MAPK6: variants seen among roughly 807,000 people sequenced by gnomAD.
The protein encoded by MAPK6 is ERK-3.
In MAPK6, 19 loss-of-function variants were observed where a neutral mutation model predicts 59.3. That is an observed-to-expected ratio of 0.32 (90% CI 0.22 to 0.47). The LOEUF (loss-of-function observed/expected upper bound fraction) is 0.47. MAPK6 is among the 20% of genes least tolerant of loss of function. MAPK6 has a pLI of 1.00. For missense variants in MAPK6, 724 were observed against 847.9 expected (o/e 0.85, Z 1.81); for synonymous variants, 316 against 290.3 (o/e 1.09, Z -0.90).
intron 1 of MAPK6, among the ~76,000 whole-genome samples, chr15:52,038,449 A>G (rs1315743764): frequency 6.6e-6 from 1 of 152,166 alleles, no homozygotes; most frequent in African/African-American, 2.4e-5. Context: ...CTTTTTTGCC[A>G]GTGAGATAGT....
intron 1 of MAPK6, among the ~76,000 whole-genome samples, chr15:52,035,115 A>G (rs74377731): frequency 0.019 from 2,950 of 152,270 alleles, 100 homozygotes; most frequent in African/African-American, 0.068. Context: ...GTCTCATCCA[A>G]GATTTTCCTT....
chr15:52,033,663 C>A (rs951989804), intron 1 of MAPK6: 6 of 152,200 alleles, frequency 3.9e-5, no homozygotes, highest in African/African-American at 1.4e-4. Flanking sequence ...TGACGTGGGA[C>A]TTCTTCGCCT....
In MAPK6 at chr15:51,998,730, G is replaced by T. The variant is rs1461695040; in HGVS notation, c.-769-5535G>T. Among the ~76,000 whole-genome samples the T allele has an allele frequency of 2.6e-5, 2 of 76,910 alleles. 1 individual carries two copies. The highest frequency in any genetic ancestry group is 3.6e-4 in the Admixed American group (2 of 5,492). The allele number at this position is 76,910 out of a possible 152,430, so 50.5% of individuals were successfully genotyped here. Reference sequence around the variant, plus strand: ...TTTTGAGACGGAGTCTCGCTCTGCCGCCCAGGCTGGAGTGCAGTGGCGCAA... The same window carrying T: ...TTTTGAGACGGAGTCTCGCTCTGCCTCCCAGGCTGGAGTGCAGTGGCGCAA... On this transcript the variant is annotated intron_variant, in intron 2 of 7. Transcript: ENST00000691380.
chr15:52,035,061 G>A (rs1268090058), intron 1 of MAPK6, among the ~76,000 whole-genome samples: 2 of 152,168 alleles, frequency 1.3e-5, no homozygotes, highest in African/African-American at 2.4e-5. Flanking sequence ...TTTTAGTCTA[G>A]ATTCTGGTTC....
intron 2 of MAPK6, among the ~76,000 whole-genome samples, chr15:51,984,447 ATTTTTTT>A (rs71130112): frequency 1.0e-3 from 70 of 69,978 alleles, no homozygotes; most frequent in African/African-American, 1.7e-3. Flanking sequence ...ACGCCGGCTA[ATTTTTTT>A]TTTTTTTTTT....
rs1440069166 is a variant in MAPK6, at chr15:52,064,212, A to G, written c.1378A>G (p.Arg460Gly). Residue 460 changes from arginine (R) to glycine (G), a missense_variant, in exon 6 of 6, where the codon AGA becomes GGA. By Grantham distance (125) the Arg-to-Gly change is moderately radical (BLOSUM62 -2). Coordinates refer to ENST00000261845, the MANE Select transcript of MAPK6 (RefSeq NM_002748.4). Reference sequence around the variant, plus strand: ...ATCATATTTAGATAACTTAGTTTGGAGAGAGAGTGAAGTTAACCATTACTA... The same window carrying G: ...ATCATATTTAGATAACTTAGTTTGGGGAGAGAGTGAAGTTAACCATTACTA... The part of the protein sequence containing the change: ...SSSYLDNLVW[R>G]ESEVNHYYEP... The G allele has an allele frequency of 9.9e-6, 16 of 1,611,362 alleles. No individual in the cohort carries two copies. The African/African-American group carries it at 2.0e-4, about 20-fold the overall frequency.
At chr15:51,977,359 T>G (rs1339305125) in intron 1 of MAPK6, among the ~76,000 whole-genome samples, 2 of 151,678 alleles carry the variant, frequency 1.3e-5, no homozygotes, top group African/African-American at 4.8e-5. Flanking sequence ...GAAAGAGTAA[T>G]GGTATCCGAA....
At chr15:51,975,460 G>A (rs1263882218) in intron 1 of MAPK6, among the ~76,000 whole-genome samples, 2 of 151,548 alleles carry the variant, frequency 1.3e-5, no homozygotes, top group African/African-American at 2.4e-5. Flanking sequence ...AGAATCGCTT[G>A]AATCCGGGAG....
rs768529082 is a variant in MAPK6, at chr15:52,064,817, T to G, written c.1983T>G (p.Phe661Leu). 10 of 1,611,940 alleles carry G rather than the reference T, an allele frequency of 6.2e-6. 1 individual carries two copies. The South Asian group carries it at 8.8e-5, about 14-fold the overall frequency. Reference protein sequence around the residue: ...KLGERGHEEGFLNNSGEFLFN... With the variant: ...KLGERGHEEGLLNNSGEFLFN... ...GGGAGAGAGGACATGAGGAAGGATTTCTGAACAACAGTGGGGAGTTCCTCT... is the reference window on the plus strand; with the variant it reads ...GGGAGAGAGGACATGAGGAAGGATTGCTGAACAACAGTGGGGAGTTCCTCT... The change falls in exon 6 of 6, where the codon TTT (phenylalanine) becomes TTG (leucine). Residue 661 changes from phenylalanine to leucine, a missense_variant. Coordinates refer to ENST00000261845, the MANE Select transcript of MAPK6 (RefSeq NM_002748.4).
chr15:52,005,868 A>G (rs890657876), intron 3 of MAPK6, among the ~76,000 whole-genome samples: 3 of 152,184 alleles, frequency 2.0e-5, no homozygotes, highest in African/African-American at 4.8e-5. Flanking sequence ...GGAGCCCCCA[A>G]GGATTACTGC....
intron 2 of MAPK6, among the ~76,000 whole-genome samples, chr15:52,048,573 A>C (rs1395297445): frequency 2.0e-5 from 3 of 152,128 alleles, no homozygotes; most frequent in Admixed American, 6.5e-5. Context: ...GCGCCAATGC[A>C]CTCCAGCCTG....
intron 1 of MAPK6, among the ~76,000 whole-genome samples, chr15:52,034,630 C>CCTTCACTTTT (rs767234543): frequency 2.6e-5 from 4 of 151,886 alleles, no homozygotes; most frequent in Non-Finnish European, 4.4e-5. Context: ...TCTCTTCCTT[C>CCTTCACTTTT]CTTCACTTTT....
intron 2 of MAPK6, among the ~76,000 whole-genome samples, chr15:51,994,109 C>A (rs137864646): frequency 6.6e-6 from 1 of 152,200 alleles, no homozygotes; most frequent in East Asian, 1.9e-4. Context: ...TACAGGCATT[C>A]GCCAACATGC....
exon 2 of MAPK6, among the ~76,000 whole-genome samples, chr15:51,983,269 C>T (rs887506908): frequency 2.7e-4 from 39 of 145,756 alleles, no homozygotes; most frequent in Admixed American, 2.1e-4. Context: ...GGCAGATCAC[C>T]TGAGGTCGGG....
At chr15:52,050,829 G>C (rs573371674) in intron 3 of MAPK6, among the ~76,000 whole-genome samples, 1 of 152,224 alleles carries the variant, frequency 6.6e-6, no homozygotes, top group African/African-American at 2.4e-5. Flanking sequence ...TATAAGCCTG[G>C]TGCATTCATG....
intron 1 of MAPK6, among the ~76,000 whole-genome samples, chr15:52,037,348 G>T (rs2031276433): frequency 6.6e-6 from 1 of 152,176 alleles, no homozygotes; most frequent in Non-Finnish European, 1.5e-5. Context: ...ACCAGAGTTA[G>T]CTCAAAAACA....
intron 4 of MAPK6, among the ~76,000 whole-genome samples, chr15:52,060,097 G>T (rs771069017): frequency 7.9e-5 from 12 of 152,126 alleles, no homozygotes; most frequent in Non-Finnish European, 1.5e-4. Context: ...GCATGGTTCA[G>T]CACCATTGTA....
At chr15:52,034,889 G>A (rs190633940) in intron 1 of MAPK6, among the ~76,000 whole-genome samples, 124 of 152,038 alleles carry the variant, frequency 8.2e-4, no homozygotes, top group Non-Finnish European at 1.6e-3. Flanking sequence ...GTAGAAACGC[G>A]GTTTCACCAT....
chr15:52,027,358 A>AAAAAAAAAG lies in MAPK6; in HGVS notation c.-632+7990_-632+7991insGAAAAAAAA, dbSNP rs1210467642. Among the ~76,000 whole-genome samples, 37 of 148,730 alleles carry AAAAAAAAAG rather than the reference A, an allele frequency of 2.5e-4. 4 individuals are homozygous for AAAAAAAAAG. Among genetic ancestry groups the AAAAAAAAAG allele is most frequent in the African/African-American group, 7.8e-4 (32 of 40,766 alleles). ...GAGCGAGACTCCCTCTCAAAAAAAA[A>AAAAAAAAAG]AAAAAAAAAAGAAAATGCCTGTCAC... is the stretch of plus-strand genomic sequence containing the variant. On this transcript the variant is annotated intron_variant, in intron 1 of 5. Transcript: ENST00000261845.
Sources: allele counts gnomAD v4.1 joint callset (sites outside exome capture counted in the v4.1 genomes callset), GRCh38; gene constraint gnomAD v4.1.1; transcripts MANE v1.5; gene names NCBI Gene and HGNC (gene_info 2026-07-23, HGNC 2026-07-21).